The following GRK6 variants were observed in gnomAD, a reference collection of about 807,000 sequenced individuals.
GRK6 encodes the protein G protein-coupled receptor kinase 6.
In GRK6, 37 loss-of-function variants were observed where a neutral mutation model predicts 80.8. That is an observed-to-expected ratio of 0.46 (90% CI 0.35 to 0.60). The LOEUF (loss-of-function observed/expected upper bound fraction) is 0.60. Ranked by LOEUF, GRK6 falls within the 20% of genes least tolerant of loss-of-function variation. The pLI, the probability that GRK6 is intolerant of heterozygous loss-of-function variation, is 0.00. For missense variants in GRK6, 560 were observed against 784.6 expected, an observed-to-expected ratio of 0.71 and a Z score of 3.42; for synonymous variants, 295 against 320.9, an observed-to-expected ratio of 0.92 and a Z score of 0.86.
In GRK6 at chr5:177,435,135, G is replaced by A. The variant is rs373368015; in HGVS notation, c.1057+14G>A. ...TGGGTTACATGGGTGAGTCTTCTCT[G>A]CCCGGCCCACTAGCCTCCTGGGTTC... On this transcript the variant is annotated intron_variant, in intron 11 of 15. Coordinates refer to ENST00000355472, the MANE Select transcript of GRK6 (RefSeq NM_001004106.3). 2.2e-5 allele frequency: 35 copies of A among 1,580,250 alleles called. No individual in the cohort carries two copies. The highest frequency in any genetic ancestry group is 2.9e-5 in the Non-Finnish European group (33 of 1,157,232).
At position 177,426,717 on chromosome 5, in the gene GRK6, A is replaced by T. The variant is rs1763687161; in HGVS notation, c.-129A>T. The T allele has an allele frequency of 3.0e-6, 1 of 338,176 alleles. No homozygotes were observed. The allele number at this position is 338,176 out of a possible 1,614,324, so 20.9% of individuals were successfully genotyped here. A position where few individuals can be genotyped will look rare whatever the true frequency, so the allele number is the denominator to read the frequency against. ...GCTGCGGCGGCCGGGGAGGCCGGGG[A>T]GGCCGCGGCGCGGTCACTGCGAGCC... On this transcript the variant is annotated 5_prime_UTR_variant, in exon 1 of 16. Transcript: ENST00000355472.
At chr5:177,437,349 C>A (rs1476442412) in intron 13 of GRK6, among the ~76,000 whole-genome samples, 1 of 152,170 alleles carries the variant, frequency 6.6e-6, no homozygotes, top group Non-Finnish European at 1.5e-5. Context: ...CCTCACTGGC[C>A]ACACCCAGAT....
At position 177,440,973 on chromosome 5, in the gene GRK6, G is replaced by C. The variant is rs764644961; in HGVS notation, c.1597G>C (p.Val533Leu). The change falls in exon 15 of 16, where the codon GTT becomes CTT. Residue 533 changes from valine (V) to leucine (L), a missense_variant. Val to Leu is a conservative substitution (Grantham distance 32, BLOSUM62 1). Around this residue, in one of 3 missense-constraint regions of GRK6, gnomAD observed 294 missense variants for 397.4 expected, o/e 0.74. Transcript: ENST00000355472. ...GAATGTCTTTGGGCTGGATGGCTCA[G>C]TTCCCCCAGACCTGGACTGGAAGGG... is the stretch of plus-strand genomic sequence containing the variant. ...ELNVFGLDGS[V>L]PPDLDWKGQP... 9.3e-6 allele frequency: 15 copies of C among 1,614,016 alleles called. No individual in the cohort carries two copies. In the East Asian group the frequency reaches 2.9e-4, roughly 31 times the overall value.
intron 13 of GRK6, chr5:177,436,760 C>T (rs1288856974): frequency 7.2e-6 from 4 of 556,126 alleles, no homozygotes; most frequent in African/African-American, 3.8e-5. Context: ...GGAACTCTCT[C>T]TCCTTCCCCT....
Position 177,436,196 on chromosome 5 carries a change from G to T in GRK6, c.1181G>T (p.Arg394Leu). ...PFQQRKKKIK[R>L]EEVERLVKEV... The stretch of plus-strand genomic sequence containing the variant: ...CAGCAGAGGAAGAAGAAGATCAAGC[G>T]GGAGGAGGTGGAGCGGCTGGTGAAG... Residue 394 changes from arginine (R) to leucine (L), a missense_variant, in exon 12 of 16, where the codon CGG becomes CTG. By Grantham distance (102) the Arg-to-Leu change is moderately radical (BLOSUM62 -2). Coordinates refer to ENST00000355472, the MANE Select transcript of GRK6 (RefSeq NM_001004106.3). 1.9e-6 allele frequency: 3 copies of T among 1,614,206 alleles called. No individual in the cohort carries two copies. The highest frequency in any genetic ancestry group is 1.1e-5 in the South Asian group (1 of 91,084).
At chr5:177,432,355 CG>C (rs781533353) in intron 4 of GRK6, 45 bp downstream of exon 4, 79 of 1,569,070 alleles carry the variant, frequency 5.0e-5, no homozygotes, top group Non-Finnish European at 6.6e-5. Flanking sequence ...ACCAGAGCCC[CG>C]TGTCAGGCAC....
At chr5:177,441,446 C>A in intron 15 of GRK6, 1 of 677,102 alleles carries the variant, frequency 1.5e-6, no homozygotes, top group Non-Finnish European at 2.5e-6. Flanking sequence ...CGTGCCCTGT[C>A]TCTGCCAGCC....
intron 2 of GRK6, 70 bp from the exon 3 acceptor site, chr5:177,431,925 T>C (rs1295210508): frequency 7.4e-7 from 1 of 1,343,454 alleles, no homozygotes; most frequent in Admixed American, 1.7e-5. Context: ...CAGGGCCTGG[T>C]GGTGTGGGCA....
rs1390503488 is a variant in GRK6 at position 177,436,441 on chromosome 5, G to T, written c.1315G>T (p.Ala439Ser). 6 of 1,613,122 alleles carry T rather than the reference G, an allele frequency of 3.7e-6. No individual in the cohort carries two copies. In the South Asian group the frequency reaches 6.6e-5, roughly 18 times the overall value. The change falls in exon 13 of 16, where the codon GCC becomes TCC. Residue 439 changes from alanine to serine, a missense_variant. Physicochemically the swap from Ala to Ser is moderately conservative, Grantham distance 99. Coordinates refer to ENST00000355472, the MANE Select transcript of GRK6 (RefSeq NM_001004106.3). Reference protein sequence around the residue: ...AERLGCRGGSAREVKEHPLFK... With the variant: ...AERLGCRGGSSREVKEHPLFK... Reference sequence around the variant, plus strand: ...ACGCCTGGGGTGTCGTGGGGGCAGTGCCCGCGAGGTGAAGGAGCACCCCCT... The same window carrying T: ...ACGCCTGGGGTGTCGTGGGGGCAGTTCCCGCGAGGTGAAGGAGCACCCCCT...
At chr5:177,431,007 G>T (rs950126257) in intron 2 of GRK6, 40 bp downstream of exon 2, 3 of 1,559,838 alleles carry the variant, frequency 1.9e-6, no homozygotes, top group Non-Finnish European at 2.6e-6. Flanking sequence ...GAGGCGAGGG[G>T]CCCTGCTGGG....
chr5:177,430,469 C>A (rs565696313), intron 1 of GRK6, among the ~76,000 whole-genome samples: 2 of 152,312 alleles, frequency 1.3e-5, no homozygotes, highest in African/African-American at 2.4e-5. Context: ...CTGCCCTGTG[C>A]GTCTCTCAGG....
In GRK6 at chr5:177,441,992, T is replaced by C. The variant is rs968356727; in HGVS notation, c.*202T>C. On this transcript the variant is annotated 3_prime_UTR_variant, in exon 16 of 16. Coordinates refer to ENST00000355472, the MANE Select transcript of GRK6 (RefSeq NM_001004106.3). ...GCCTGGGCCATCCCTGGGACAAAGG[T>C]GCGTCCCTTCAGCTCTTCTCCGTGG... 6.7e-6 allele frequency: 4 copies of C among 597,410 alleles called. No individual in the cohort carries two copies. The highest frequency in any genetic ancestry group is 1.2e-5 in the Non-Finnish European group (4 of 333,070). The allele number at this position is 597,410 out of a possible 1,614,324, so 37.0% of individuals were successfully genotyped here. A position where few individuals can be genotyped will look rare whatever the true frequency, so the allele number is the denominator to read the frequency against.
rs1373081246 is a variant in GRK6, at chr5:177,428,131, T to TA, written c.52+1235dup. ...GGAGCCTGTCTTATCCCCTGTCCCT[T>TA]ATCGAGCCCATGGGCTAGGCCTTCC... On this transcript the variant is annotated intron_variant, in intron 1 of 15. Transcript: ENST00000355472. The surrounding 1 kb of genome is among the most constrained non-coding windows in gnomAD (Gnocchi z 4.1). 6.6e-6 allele frequency among the ~76,000 whole-genome samples: 1 copy of TA among 152,210 alleles called. No homozygotes were observed. Among genetic ancestry groups the TA allele is most frequent in the Non-Finnish European group, 1.5e-5 (1 of 68,034 alleles).
chr5:177,442,198 G>A lies in GRK6; in HGVS notation c.*408G>A. 4.2e-6 allele frequency: 1 copy of A among 240,852 alleles called. No homozygotes were observed. Among genetic ancestry groups the A allele is most frequent in the Non-Finnish European group, 8.1e-6 (1 of 123,084 alleles). The allele number at this position is 240,852 out of a possible 1,614,324, so 14.9% of individuals were successfully genotyped here. On this transcript the variant is annotated 3_prime_UTR_variant, in exon 16 of 16. Transcript: ENST00000355472. ...ACTCAAGGCTCCTCTGGCCCAGCTT[G>A]GATGGCTGAGGGTGGTCACACCCCT...
At chr5:177,435,975 T>G in intron 11 of GRK6, 98 bp from the exon 12 acceptor site, 8 of 1,006,084 alleles carry the variant, frequency 8.0e-6, no homozygotes, top group African/African-American at 1.6e-5. Context: ...CCAGCGGGTG[T>G]GAGTGTATCC....
rs377205803 is a variant in GRK6 at position 177,441,061 on chromosome 5, C to T, written c.1677+8C>T. The T allele has an allele frequency of 3.1e-6, 5 of 1,613,086 alleles. No homozygotes were observed. In the South Asian group the frequency reaches 4.4e-5, roughly 14 times the overall value. ...AGACTCTTCAGTCGCCAAGTAAGCC[C>T]CAGCAGCGGCCTACCTGGGCCCCTA... On this transcript the variant is annotated splice_region_variant and intron_variant, in intron 15 of 15. Transcript: ENST00000355472.
chr5:177,432,469 C>T (rs746227156), intron 4 of GRK6, among the ~76,000 whole-genome samples, 159 bp downstream of exon 4: 3 of 152,212 alleles, frequency 2.0e-5, no homozygotes, highest in Admixed American at 6.5e-5. Flanking sequence ...CCAGGCAGCA[C>T]GGCGGGCATG....
chr5:177,436,014 G>A, intron 11 of GRK6, 59 bp from the exon 12 acceptor site: 1 of 1,465,324 alleles, frequency 6.8e-7, no homozygotes. Flanking sequence ...GCGTTCCTGG[G>A]GCCTGAGGGT....
chr5:177,432,707 G>T lies in GRK6; in HGVS notation c.341G>T (p.Gly114Val), dbSNP rs759181391. The change falls in exon 5 of 16, where the codon GGT (glycine) becomes GTT (valine). Residue 114 changes from glycine (G) to valine (V), a missense_variant and splice_region_variant. Physicochemically the swap from Gly to Val is moderately radical, Grantham distance 109. This residue lies in a region of GRK6 where 189 missense variants were observed against 230.2 expected (regional missense o/e 0.82). Coordinates refer to ENST00000355472, the MANE Select transcript of GRK6 (RefSeq NM_001004106.3). ...GACCTGTCTGGGGCTTGTTCCCAGGGTCCTGACCTCATCCCTGAGGTCCCC... is the reference window on the plus strand; with the variant it reads ...GACCTGTCTGGGGCTTGTTCCCAGGTTCCTGACCTCATCCCTGAGGTCCCC... ...QLTQNFLSHTGPDLIPEVPRQ... is the reference protein window; with the variant it reads ...QLTQNFLSHTVPDLIPEVPRQ... 6.3e-7 allele frequency: 1 copy of T among 1,598,406 alleles called. No homozygotes were observed. Among genetic ancestry groups the T allele is most frequent in the Non-Finnish European group, 8.5e-7 (1 of 1,171,382 alleles).
Sources: allele counts gnomAD v4.1 joint callset (sites outside exome capture counted in the v4.1 genomes callset), GRCh38; gene constraint gnomAD v4.1.1; regional missense constraint gnomAD v4.1.1; non-coding constraint Gnocchi (gnomAD v3.1); transcripts MANE v1.5; gene names NCBI Gene and HGNC (gene_info 2026-07-23, HGNC 2026-07-21).